RPS6KC1: variants seen among roughly 807,000 people sequenced by gnomAD.
The protein encoded by RPS6KC1 is ribosomal protein S6 kinase C1.
A neutral mutation model predicts 103.8 loss-of-function variants in RPS6KC1; 54 were observed. That is an observed-to-expected ratio of 0.52 (90% CI 0.42 to 0.65). The LOEUF is 0.65. Ranked by LOEUF, RPS6KC1 falls within the 30% of genes least tolerant of loss-of-function variation. The pLI is 0.00. For synonymous variants in RPS6KC1, 439 were observed against 438.7 expected (o/e 1.00, Z -0.01); for missense variants, 1,151 against 1,253.8 (o/e 0.92, Z 1.24).
chr1:213,762,868 T>A, the RPS6KC1 span, among the ~76,000 whole-genome samples: 9 of 151,766 alleles, frequency 5.9e-5, 1 homozygote, highest in African/African-American at 1.7e-4. Flanking sequence ...TTTTACGTTT[T>A]TTTTTTTTTT....
the RPS6KC1 span, among the ~76,000 whole-genome samples, chr1:213,509,038 A>G: frequency 5.3e-5 from 8 of 152,216 alleles, no homozygotes; most frequent in Non-Finnish European, 8.8e-5. Context: ...ATTGATTTTG[A>G]AATACAACAA....
intron 6 of RPS6KC1, among the ~76,000 whole-genome samples, chr1:213,152,703 C>T (rs1178102630): frequency 3.3e-5 from 5 of 151,880 alleles, no homozygotes; most frequent in Non-Finnish European, 7.4e-5. Context: ...AGAGGTGCTC[C>T]TCACTTCCTA....
chr1:213,742,212 G>C, the RPS6KC1 span, among the ~76,000 whole-genome samples: 1 of 152,198 alleles, frequency 6.6e-6, no homozygotes, highest in Admixed American at 6.5e-5. Flanking sequence ...ACCCTGCACA[G>C]CTCAACAGGC....
chr1:213,219,300 C>G (rs185913460), intron 8 of RPS6KC1, among the ~76,000 whole-genome samples: 60 of 152,250 alleles, frequency 3.9e-4, no homozygotes, highest in African/African-American at 1.4e-3. Flanking sequence ...AAATCAAAAC[C>G]ACAGTGAGAT....
the RPS6KC1 span, among the ~76,000 whole-genome samples, chr1:213,827,776 C>T: frequency 6.6e-6 from 1 of 152,246 alleles, no homozygotes; most frequent in Middle Eastern, 3.4e-3. Context: ...AGGGCTTAGA[C>T]TAGTCGGATG....
At chr1:213,461,702 T>C in the RPS6KC1 span, among the ~76,000 whole-genome samples, 2 of 152,022 alleles carry the variant, frequency 1.3e-5, no homozygotes, top group Admixed American at 6.6e-5. Context: ...CTTAATGGTG[T>C]TGGGAAAACT....
At chr1:213,415,145 A>C in the RPS6KC1 span, among the ~76,000 whole-genome samples, 1 of 152,148 alleles carries the variant, frequency 6.6e-6, no homozygotes, top group Non-Finnish European at 1.5e-5. Context: ...TATTTCTTCC[A>C]CTTTTTTTAC....
At chr1:213,288,445 A>G in the RPS6KC1 span, among the ~76,000 whole-genome samples, 1 of 152,278 alleles carries the variant, frequency 6.6e-6, no homozygotes, top group African/African-American at 2.4e-5. Flanking sequence ...TAAGTAGCTT[A>G]CAGTCTAGAA....
chr1:213,384,283 A>AATAT, the RPS6KC1 span, among the ~76,000 whole-genome samples: 3,545 of 145,134 alleles, frequency 0.024, 146 homozygotes, highest in African/African-American at 0.09. Flanking sequence ...CTCAAAAAAA[A>AATAT]ATATATATAT....
At chr1:213,623,113 G>A in the RPS6KC1 span, among the ~76,000 whole-genome samples, 43 of 152,316 alleles carry the variant, frequency 2.8e-4, no homozygotes, top group African/African-American at 9.9e-4. Context: ...CCTGGCTGTA[G>A]AAGGAAGGCG....
chr1:213,560,859 G>A, the RPS6KC1 span, among the ~76,000 whole-genome samples: 2,238 of 152,298 alleles, frequency 0.015, 26 homozygotes, highest in South Asian at 0.031. Flanking sequence ...CCCTTTCATA[G>A]TAAGCAGTGG....
chr1:213,614,957 G>T, the RPS6KC1 span, among the ~76,000 whole-genome samples: 1 of 152,158 alleles, frequency 6.6e-6, no homozygotes, highest in African/African-American at 2.4e-5. Flanking sequence ...AAATTCTCCT[G>T]CTTCGACCTC....
chr1:213,364,766 C>G, the RPS6KC1 span, among the ~76,000 whole-genome samples: 1 of 151,998 alleles, frequency 6.6e-6, no homozygotes, highest in South Asian at 2.1e-4. Flanking sequence ...CCAGCCTGGT[C>G]AACGTGGTAA....
intron 7 of RPS6KC1, among the ~76,000 whole-genome samples, chr1:213,170,624 A>AT (rs1421991644): frequency 3.9e-5 from 6 of 152,140 alleles, no homozygotes; most frequent in African/African-American, 1.4e-4. Context: ...GACATGTAGG[A>AT]TTTTTTCGGT....
At chr1:213,196,880 G>A (rs771047140) in intron 8 of RPS6KC1, among the ~76,000 whole-genome samples, 15 of 152,054 alleles carry the variant, frequency 9.9e-5, no homozygotes, top group South Asian at 2.1e-4. Context: ...CTCGTTGCCC[G>A]GGCTGGGGTG....
At chr1:213,348,037 T>C in the RPS6KC1 span, among the ~76,000 whole-genome samples, 1 of 152,140 alleles carries the variant, frequency 6.6e-6, no homozygotes, top group Non-Finnish European at 1.5e-5. Flanking sequence ...GAGCTGCTCA[T>C]GAAGGGCCTG....
the RPS6KC1 span, among the ~76,000 whole-genome samples, chr1:213,512,481 A>G: frequency 6.6e-6 from 1 of 152,202 alleles, no homozygotes; most frequent in Non-Finnish European, 1.5e-5. Context: ...CCAGCCTGCT[A>G]CTTAAGAAGC....
chr1:213,368,540 TA>T, the RPS6KC1 span, among the ~76,000 whole-genome samples: 1 of 152,212 alleles, frequency 6.6e-6, no homozygotes, highest in Non-Finnish European at 1.5e-5. Context: ...GGCAGATATT[TA>T]GAGCTCAGAT....
chr1:213,810,573 G>T, the RPS6KC1 span, among the ~76,000 whole-genome samples: 2 of 152,244 alleles, frequency 1.3e-5, no homozygotes, highest in South Asian at 4.1e-4. Context: ...AAGTAAAGTT[G>T]CAGATACTTC....
Sources: gnomAD v4.1 joint callset for allele counts (sites outside exome capture counted in the v4.1 genomes callset) on GRCh38, gnomAD v4.1.1 for gene constraint, MANE v1.5 for transcripts, NCBI Gene and HGNC (gene_info 2026-07-23, HGNC 2026-07-21) for gene names.